The following EYS variants were observed in gnomAD, a reference collection of about 807,000 sequenced individuals.
EYS encodes the protein EGF-like photoreceptor maintenance factor.
EYS carries 250 observed loss-of-function variants against 282.1 expected under a neutral mutation model. The observed-to-expected ratio is 0.89, with a 90% confidence interval of 0.80 to 0.98. EYS has a LOEUF of 0.98. Among genes scored for constraint, EYS ranks in the 50% least tolerant of loss-of-function variants. The pLI, the probability that EYS is intolerant of heterozygous loss-of-function variation, is 0.00. For synonymous variants in EYS, 1,355 were observed against 1,282.9 expected (o/e 1.06, Z -1.20); for missense variants, 4,016 against 3,709.0 (o/e 1.08, Z -2.15).
At chr6:65,015,643 T>G (rs1583400008) in intron 13 of EYS, among the ~76,000 whole-genome samples, 2 of 152,280 alleles carry the variant, frequency 1.3e-5, no homozygotes, top group East Asian at 3.9e-4. Flanking sequence ...ACATTTTATC[T>G]GCATACATAT....
intron 8 of EYS, among the ~76,000 whole-genome samples, chr6:65,373,316 C>T (rs1183380528): frequency 1.3e-5 from 2 of 152,114 alleles, no homozygotes; most frequent in African/African-American, 4.8e-5. Context: ...ATCAAATATG[C>T]TAAGAAAATT....
chr6:64,372,733 G>A (rs898572728), intron 29 of EYS, among the ~76,000 whole-genome samples: 3 of 152,056 alleles, frequency 2.0e-5, no homozygotes, highest in Non-Finnish European at 4.4e-5. Context: ...CAGAGATTTT[G>A]TTCATTCTTT....
intron 12 of EYS, among the ~76,000 whole-genome samples, chr6:65,074,466 A>G (rs1282132530): frequency 1.3e-5 from 2 of 152,028 alleles, no homozygotes; most frequent in African/African-American, 4.8e-5. Flanking sequence ...ATTAAATATG[A>G]ACGTCTCTGA....
At chr6:64,390,737 G>A (rs531828030) in intron 28 of EYS, among the ~76,000 whole-genome samples, 42 of 150,466 alleles carry the variant, frequency 2.8e-4, no homozygotes, top group African/African-American at 8.6e-4. Context: ...CCAAAGGAAC[G>A]CAGTTCCTCA....
chr6:63,798,940 A>AAT lies in EYS; in HGVS notation c.7411+7248_7411+7249dup, dbSNP rs199824989. On this transcript the variant is annotated intron_variant, in intron 37 of 42. Transcript: ENST00000503581. ...AGGAAGTCAAATATATTTCTTCTAA[A>AAT]ATATATATATATATGTATATGTGTA... is the stretch of plus-strand genomic sequence containing the variant. Among the ~76,000 whole-genome samples the AAT allele has an allele frequency of 1.8e-3, 257 of 140,634 alleles. No individual in the cohort carries two copies. The Middle Eastern group carries it at 0.033, about 18-fold the overall frequency. 92.3% of individuals were successfully genotyped at this position (140,634 alleles called of 152,430 possible).
intron 33 of EYS, among the ~76,000 whole-genome samples, chr6:64,052,014 G>A (rs752237258): frequency 6.6e-6 from 1 of 151,954 alleles, no homozygotes; most frequent in Non-Finnish European, 1.5e-5. Flanking sequence ...TTTCTTCTCA[G>A]GCATGAAGTT....
chr6:65,053,107 T>C (rs1459182464), intron 13 of EYS, among the ~76,000 whole-genome samples: 2 of 151,818 alleles, frequency 1.3e-5, no homozygotes, highest in Non-Finnish European at 2.9e-5. Context: ...TTTCTAATTA[T>C]TTTCTATTGT....
At chr6:64,493,677 C>A (rs1442815373) in intron 26 of EYS, among the ~76,000 whole-genome samples, 1 of 151,428 alleles carries the variant, frequency 6.6e-6, no homozygotes, top group East Asian at 2.0e-4. Flanking sequence ...ACTTTAAGTT[C>A]TAGCGTACAT....
chr6:65,320,443 C>G (rs1056665671), intron 11 of EYS, among the ~76,000 whole-genome samples: 1 of 152,110 alleles, frequency 6.6e-6, no homozygotes, highest in African/African-American at 2.4e-5. Flanking sequence ...TGATGAGTAT[C>G]AGTTGCAGCC....
chr6:65,133,773 A>G (rs188475096), intron 12 of EYS, among the ~76,000 whole-genome samples: 309 of 152,232 alleles, frequency 2.0e-3, no homozygotes, highest in African/African-American at 7.1e-3. Context: ...GACAAATGGG[A>G]TCTAATTAAA....
intron 19 of EYS, among the ~76,000 whole-genome samples, chr6:64,828,423 T>C (rs1160487226): frequency 6.6e-6 from 1 of 151,872 alleles, no homozygotes; most frequent in Non-Finnish European, 1.5e-5. Context: ...ATTTTGCTGT[T>C]TGGAGCATAT....
chr6:64,422,058 G>T (rs1044482480), intron 28 of EYS, among the ~76,000 whole-genome samples: 1 of 152,094 alleles, frequency 6.6e-6, no homozygotes, highest in African/African-American at 2.4e-5. Context: ...ACAAAGGACA[G>T]CACCTTACAA....
intron 36 of EYS, 118 bp downstream of exon 36, chr6:63,864,068 C>T (rs1236791920): frequency 1.9e-5 from 19 of 993,518 alleles, no homozygotes; most frequent in Non-Finnish European, 2.5e-5. Flanking sequence ...GAAAAGAACC[C>T]AGAAGAAGAT....
chr6:65,264,772 T>TA (rs1767707561), intron 12 of EYS, among the ~76,000 whole-genome samples: 1 of 151,972 alleles, frequency 6.6e-6, no homozygotes, highest in Non-Finnish European at 1.5e-5. Flanking sequence ...CTTATTGATG[T>TA]AATTTTGCTC....
At chr6:63,913,219 G>A (rs549652016) in intron 35 of EYS, among the ~76,000 whole-genome samples, 51 of 152,280 alleles carry the variant, frequency 3.3e-4, no homozygotes, top group African/African-American at 1.2e-3. Context: ...AAACACTGGA[G>A]AGTTTTCATA....
chr6:65,208,167 A>G (rs1766083980), intron 12 of EYS, among the ~76,000 whole-genome samples: 1 of 151,932 alleles, frequency 6.6e-6, no homozygotes, highest in African/African-American at 2.4e-5. Context: ...ATGTCTCAAA[A>G]GAAGACATAC....
intron 21 of EYS, chr6:64,815,154 C>A (rs2150017334): frequency 4.9e-6 from 2 of 411,222 alleles, no homozygotes; most frequent in South Asian, 3.5e-5. Context: ...TACACCCCCA[C>A]CCCCTACAAG....
chr6:64,647,641 C>T (rs761339993), intron 22 of EYS, among the ~76,000 whole-genome samples: 10 of 151,934 alleles, frequency 6.6e-5, no homozygotes, highest in Non-Finnish European at 1.5e-4. Context: ...TAAAAATATT[C>T]TGATAATGAA....
chr6:64,423,314 C>T (rs1200952742), intron 28 of EYS, among the ~76,000 whole-genome samples: 1 of 152,178 alleles, frequency 6.6e-6, no homozygotes, highest in Non-Finnish European at 1.5e-5. Context: ...AACCATCAAA[C>T]CTAGACCATT....
Sources: gnomAD v4.1 joint callset for allele counts (sites outside exome capture counted in the v4.1 genomes callset) on GRCh38, gnomAD v4.1.1 for gene constraint, MANE v1.5 for transcripts, NCBI Gene and HGNC (gene_info 2026-07-23, HGNC 2026-07-21) for gene names.